TMEM135: variants seen among roughly 807,000 people sequenced by gnomAD.
TMEM135 encodes the protein transmembrane protein 135, also known as peroxisomal membrane protein 52.
A neutral mutation model predicts 60.3 loss-of-function variants in TMEM135; 30 were observed. That is an observed-to-expected ratio of 0.50 (90% CI 0.37 to 0.68). The LOEUF (loss-of-function observed/expected upper bound fraction) is 0.68. Among genes scored for constraint, TMEM135 ranks in the 30% least tolerant of loss-of-function variants. The pLI is 0.00. For missense variants in TMEM135, 468 were observed against 548.8 expected, an observed-to-expected ratio of 0.85 and a Z score of 1.47; for synonymous variants, 190 against 186.7, an observed-to-expected ratio of 1.02 and a Z score of -0.14.
chr11:87,250,368 G>A (rs1283042705), intron 6 of TMEM135, among the ~76,000 whole-genome samples: 3 of 151,922 alleles, frequency 2.0e-5, no homozygotes, highest in Non-Finnish European at 4.4e-5. Context: ...TCTTTAAGAT[G>A]CATTGTTATG....
chr11:87,305,966 C>T lies in TMEM135; in HGVS notation c.729C>T (p.Cys243=). 6.2e-7 allele frequency: 1 copy of T among 1,602,064 alleles called. No homozygotes were observed. The highest frequency in any genetic ancestry group is 8.5e-7 in the Non-Finnish European group (1 of 1,173,476). Residue 243 remains cysteine, a synonymous_variant, in exon 9 of 15, where the codon TGC becomes TGT. Transcript: ENST00000305494. ...AACATGGACCAAGGCATAGATGTTG[C>T]AAACATTATGAAGATAATTGCATCT... ...ICKHGPRHRC[C]KHYEDNCISY...
At chr11:87,100,006 C>T (rs1001196646) in intron 4 of TMEM135, among the ~76,000 whole-genome samples, 5 of 152,022 alleles carry the variant, frequency 3.3e-5, no homozygotes, top group African/African-American at 1.2e-4. Flanking sequence ...AAATGTGTTC[C>T]TGAGTGGTGG....
chr11:87,295,964 G>A (rs868469501), intron 7 of TMEM135, 141 bp downstream of exon 7: 23 of 692,558 alleles, frequency 3.3e-5, no homozygotes, highest in African/African-American at 1.6e-4. Context: ...CCAAGCCTGC[G>A]GATAAATAGC....
intron 3 of TMEM135, among the ~76,000 whole-genome samples, chr11:87,078,698 C>T (rs1303374943): frequency 6.6e-6 from 1 of 151,968 alleles, no homozygotes; most frequent in African/African-American, 2.4e-5. Flanking sequence ...TTTGCAACCT[C>T]CACCTCCTGG....
At chr11:87,053,948 T>G (rs1949867301) in intron 1 of TMEM135, among the ~76,000 whole-genome samples, 1 of 152,220 alleles carries the variant, frequency 6.6e-6, no homozygotes, top group African/African-American at 2.4e-5. Context: ...CTGTTTTATC[T>G]TTGGATACTA....
intron 4 of TMEM135, among the ~76,000 whole-genome samples, chr11:87,114,992 G>T (rs1857843164): frequency 6.6e-6 from 1 of 152,128 alleles, no homozygotes; most frequent in Admixed American, 6.6e-5. Context: ...TACCATTATT[G>T]ATCATCTTTA....
rs1370400967 is a variant in TMEM135 at position 87,328,260 on chromosome 11, A to T, written c.*6927A>T. 2 of 453,968 alleles carry T rather than the reference A, an allele frequency of 4.4e-6. No homozygotes were observed. Among genetic ancestry groups the T allele is most frequent in the African/African-American group, 4.0e-5 (2 of 50,000 alleles). The allele number at this position is 453,968 out of a possible 1,614,324, so 28.1% of individuals were successfully genotyped here. ...TCTCTTTTTCTCCACTCTTCTGTGTATGCTAAAATACTGTCAATCTCGTCT... is the reference window on the plus strand; with the variant it reads ...TCTCTTTTTCTCCACTCTTCTGTGTTTGCTAAAATACTGTCAATCTCGTCT... On this transcript the variant is annotated 3_prime_UTR_variant, in exon 15 of 15. Coordinates refer to ENST00000305494, the MANE Select transcript of TMEM135 (RefSeq NM_022918.4).
At chr11:87,120,893 A>C (rs1200352756) in intron 4 of TMEM135, among the ~76,000 whole-genome samples, 6 of 152,198 alleles carry the variant, frequency 3.9e-5, no homozygotes, top group African/African-American at 1.4e-4. Flanking sequence ...TTTCAAGATA[A>C]TGTTAATTCA....
At chr11:87,079,843 CTTTT>C (rs139184730) in intron 3 of TMEM135, among the ~76,000 whole-genome samples, 3 of 107,912 alleles carry the variant, frequency 2.8e-5, no homozygotes, top group East Asian at 2.9e-4. Context: ...CTTTTCTTTT[CTTTT>C]TTTTTTTTTT....
chr11:87,302,097 A>G (rs149756646), intron 7 of TMEM135, among the ~76,000 whole-genome samples, 199 bp from the exon 8 acceptor site: 186 of 152,336 alleles, frequency 1.2e-3, no homozygotes, highest in African/African-American at 4.2e-3. Flanking sequence ...ACAAATGACT[A>G]TTAATTTTTT....
At chr11:87,105,942 C>G (rs1857583992) in intron 4 of TMEM135, among the ~76,000 whole-genome samples, 1 of 152,192 alleles carries the variant, frequency 6.6e-6, no homozygotes, top group Non-Finnish European at 1.5e-5. Context: ...TTCCCCTACA[C>G]AGCTTCTGGT....
At chr11:87,252,443 A>C (rs941032425) in intron 6 of TMEM135, among the ~76,000 whole-genome samples, 5 of 152,234 alleles carry the variant, frequency 3.3e-5, no homozygotes, top group African/African-American at 1.2e-4. Flanking sequence ...TTCTAAATAC[A>C]TGGTCTTTCT....
At chr11:87,309,705 A>G (rs1438157435) in intron 10 of TMEM135, 33 bp downstream of exon 10, 1 of 1,605,062 alleles carries the variant, frequency 6.2e-7, no homozygotes, top group Non-Finnish European at 8.5e-7. Context: ...GAAAAATGGG[A>G]AATAAATAAC....
At chr11:87,291,557 A>T (rs6592351) in intron 6 of TMEM135, among the ~76,000 whole-genome samples, 75,980 of 114,520 alleles carry the variant, frequency 0.66, 25,161 homozygotes, top group Middle Eastern at 0.7. Flanking sequence ...TTTGAGACAG[A>T]GTCTCACTCT....
rs1430286314 is a variant in TMEM135, at chr11:87,325,316, T to C, written c.*3983T>C. ...GTGGGGCAGTAAGTTGGCCATGATA[T>C]AGCTAGTGTCATAGGACTACAGCAG... On this transcript the variant is annotated 3_prime_UTR_variant, in exon 15 of 15. Transcript: ENST00000305494. 6.6e-6 allele frequency: 3 copies of C among 454,086 alleles called. No individual in the cohort carries two copies. The highest frequency in any genetic ancestry group is 1.6e-5 in the South Asian group (1 of 64,468). 28.1% of individuals were successfully genotyped at this position (454,086 alleles called of 1,614,324 possible). A position where few individuals can be genotyped will look rare whatever the true frequency, so the allele number is the denominator to read the frequency against.
intron 5 of TMEM135, among the ~76,000 whole-genome samples, chr11:87,181,274 A>G (rs1939507523): frequency 6.6e-6 from 1 of 152,158 alleles, no homozygotes; most frequent in Admixed American, 6.5e-5. Flanking sequence ...TAGAAATTAT[A>G]ATATCTGAAC....
At chr11:87,212,055 T>C (rs1484901872) in intron 5 of TMEM135, among the ~76,000 whole-genome samples, 3 of 152,230 alleles carry the variant, frequency 2.0e-5, no homozygotes, top group East Asian at 1.9e-4. Context: ...TAACTACTCA[T>C]ATGATTATTT....
chr11:87,268,856 A>G (rs1212042857), intron 6 of TMEM135, among the ~76,000 whole-genome samples: 1 of 152,160 alleles, frequency 6.6e-6, no homozygotes, highest in East Asian at 1.9e-4. Flanking sequence ...TTTTTCTCTT[A>G]GAAGCCTAAG....
intron 4 of TMEM135, among the ~76,000 whole-genome samples, chr11:87,134,312 A>G (rs1378610210): frequency 6.6e-6 from 1 of 152,098 alleles, no homozygotes; most frequent in Admixed American, 6.6e-5. Flanking sequence ...ACCCTAAAGG[A>G]GCTCGTTTTA....
Sources: allele counts gnomAD v4.1 joint callset (sites outside exome capture counted in the v4.1 genomes callset), GRCh38; gene constraint gnomAD v4.1.1; transcripts MANE v1.5; gene names NCBI Gene and HGNC (gene_info 2026-07-23, HGNC 2026-07-21).